MORC3: variants seen among roughly 807,000 people sequenced by gnomAD.
MORC3 encodes the protein MORC family CW-type zinc finger protein 3.
A neutral mutation model predicts 109.1 loss-of-function variants in MORC3; 31 were observed. The observed-to-expected ratio is 0.28, with a 90% CI of 0.21 to 0.38. The LOEUF (loss-of-function observed/expected upper bound fraction) is 0.38, where lower values mean the gene tolerates loss of function less well. MORC3 is among the 10% of genes least tolerant of loss of function. The probability of loss-of-function intolerance (pLI) is 1.00; values close to 1 mark genes in which losing one functional copy is unlikely to be tolerated. For synonymous variants in MORC3, 395 were observed against 380.7 expected (o/e 1.04, Z -0.44); for missense variants, 867 against 1,135.8 (o/e 0.76, Z 3.40).
chr21:36,340,300 G>T (rs1291992409), intron 5 of MORC3, among the ~76,000 whole-genome samples: 1 of 149,082 alleles, frequency 6.7e-6, no homozygotes, highest in Non-Finnish European at 1.5e-5. Context: ...AAAAACTATA[G>T]TACAGTAGTA....
At position 36,344,943 on chromosome 21, in the gene MORC3, A is replaced by G; in HGVS notation, c.917A>G (p.Asn306Ser). ...SKTVRITFGF[N>S]CRNKDHYGIM... ...ACAGTGAGAATTACCTTTGGATTCA[A>G]CTGCAGAAATAAAGATCATTATGGG... The change falls in exon 8 of 17, where the codon AAC (asparagine) becomes AGC (serine). Residue 306 changes from asparagine (N) to serine (S), a missense_variant. Physicochemically the swap from Asn to Ser is conservative, Grantham distance 46 (BLOSUM62 1). Coordinates refer to ENST00000400485, the MANE Select transcript of MORC3 (RefSeq NM_015358.3). 2 of 1,612,048 alleles carry G rather than the reference A, an allele frequency of 1.2e-6. No homozygotes were observed. Among genetic ancestry groups the G allele is most frequent in the Non-Finnish European group, 1.7e-6 (2 of 1,179,234 alleles).
At chr21:36,323,253 C>T (rs1008781589) in intron 1 of MORC3, among the ~76,000 whole-genome samples, 2 of 152,164 alleles carry the variant, frequency 1.3e-5, no homozygotes, top group Non-Finnish European at 2.9e-5. Context: ...AGCTTAGTGA[C>T]TGCCATTCTG....
chr21:36,356,778 A>G, intron 10 of MORC3, 54 bp downstream of exon 10: 3 of 1,153,920 alleles, frequency 2.6e-6, no homozygotes, highest in South Asian at 2.9e-5. Context: ...ATGTGGTATT[A>G]GAGAGTAAAG....
chr21:36,338,570 G>A (rs756996966), intron 4 of MORC3, among the ~76,000 whole-genome samples: 1 of 151,514 alleles, frequency 6.6e-6, no homozygotes, highest in Non-Finnish European at 1.5e-5. Context: ...GGTGCCTGTG[G>A]TCGGTCCCAG....
intron 1 of MORC3, among the ~76,000 whole-genome samples, chr21:36,327,085 G>A (rs1447778485): frequency 6.6e-6 from 1 of 151,424 alleles, no homozygotes; most frequent in Non-Finnish European, 1.5e-5. Context: ...AAAGTGCGGG[G>A]GTTACAGCAG....
chr21:36,327,988 T>C (rs940975456), intron 1 of MORC3, among the ~76,000 whole-genome samples: 4 of 151,808 alleles, frequency 2.6e-5, no homozygotes, highest in African/African-American at 9.7e-5. Context: ...GTGATTGCCA[T>C]GCCTCAGCCA....
intron 6 of MORC3, among the ~76,000 whole-genome samples, chr21:36,344,148 G>C (rs963718411): frequency 6.7e-6 from 1 of 149,984 alleles, no homozygotes; most frequent in African/African-American, 2.5e-5. Context: ...TTTTTGAGGT[G>C]GGGGGGTCTC....
intron 5 of MORC3, among the ~76,000 whole-genome samples, chr21:36,339,829 G>A (rs1312224266): frequency 6.6e-6 from 1 of 152,140 alleles, no homozygotes; most frequent in Non-Finnish European, 1.5e-5. Context: ...ACCTGAATTC[G>A]TTTTTCTTGC....
At chr21:36,356,809 A>G in intron 10 of MORC3, 85 bp downstream of exon 10, 2 of 791,610 alleles carry the variant, frequency 2.5e-6, no homozygotes, top group Non-Finnish European at 3.9e-6. Context: ...ATGTTTCACA[A>G]ACTTAGGACT....
intron 16 of MORC3, among the ~76,000 whole-genome samples, 173 bp from the exon 17 acceptor site, chr21:36,374,967 ACTC>A (rs1282535182): frequency 1.3e-5 from 2 of 152,132 alleles, no homozygotes; most frequent in Non-Finnish European, 2.9e-5. Flanking sequence ...AGTGCACCTG[ACTC>A]ATAAAAGTGA....
chr21:36,351,808 A>G (rs1238694756), intron 9 of MORC3, among the ~76,000 whole-genome samples: 1 of 152,214 alleles, frequency 6.6e-6, no homozygotes, highest in African/African-American at 2.4e-5. Context: ...TAGAATTACC[A>G]TATGATTGAA....
At position 36,343,694 on chromosome 21, in the gene MORC3, G is replaced by A. The variant is rs925653756; in HGVS notation, c.757-885G>A. 2.0e-5 allele frequency among the ~76,000 whole-genome samples: 3 copies of A among 151,814 alleles called. No individual in the cohort carries two copies. The South Asian group carries it at 6.2e-4, about 31-fold the overall frequency. On this transcript the variant is annotated intron_variant, in intron 6 of 16. Coordinates refer to ENST00000400485, the MANE Select transcript of MORC3 (RefSeq NM_015358.3). Reference sequence around the variant, plus strand: ...GAACTCCTGACCTCGTGATCCGCCCGCCTCGGCCTCCCAAAGTGCTGGGAT... The same window carrying A: ...GAACTCCTGACCTCGTGATCCGCCCACCTCGGCCTCCCAAAGTGCTGGGAT...
At chr21:36,373,949 T>A (rs1050064836) in intron 16 of MORC3, among the ~76,000 whole-genome samples, 1 of 152,182 alleles carries the variant, frequency 6.6e-6, no homozygotes, top group African/African-American at 2.4e-5. Flanking sequence ...TTTTAAAAAG[T>A]CTAGAATGTT....
intron 9 of MORC3, among the ~76,000 whole-genome samples, chr21:36,350,916 T>C (rs986853261): frequency 1.3e-5 from 2 of 152,198 alleles, no homozygotes; most frequent in African/African-American, 2.4e-5. Context: ...GCATACAACA[T>C]GTAATGATCA....
At chr21:36,323,411 T>G (rs566521718) in intron 1 of MORC3, among the ~76,000 whole-genome samples, 1 of 152,164 alleles carries the variant, frequency 6.6e-6, no homozygotes, top group African/African-American at 2.4e-5. Context: ...AAAAATTACA[T>G]GAGCAGATAG....
At chr21:36,372,578 A>G (rs1043765344) in intron 16 of MORC3, 47 bp downstream of exon 16, 2 of 1,510,212 alleles carry the variant, frequency 1.3e-6, no homozygotes, top group Non-Finnish European at 1.8e-6. Flanking sequence ...TATGGTTAGG[A>G]TACTATTTAT....
In MORC3 at chr21:36,376,092, G is replaced by A. The variant is rs2085926457; in HGVS notation, c.*796G>A. On this transcript the variant is annotated 3_prime_UTR_variant, in exon 17 of 17. Coordinates refer to ENST00000400485, the MANE Select transcript of MORC3 (RefSeq NM_015358.3). ...TGTGAAATTTCCTGTACAGCCTTTT[G>A]TAGGATTACTACAGGTTAATGTGAG... 6.6e-6 allele frequency: 1 copy of A among 152,400 alleles called. No individual in the cohort carries two copies. The highest frequency in any genetic ancestry group is 1.5e-5 in the Non-Finnish European group (1 of 68,022). 9.4% of individuals were successfully genotyped at this position (152,400 alleles called of 1,614,324 possible).
chr21:36,375,243 G>C lies in MORC3; in HGVS notation c.2767G>C (p.Asp923His). 1 of 1,613,828 alleles carries C rather than the reference G, an allele frequency of 6.2e-7. No individual in the cohort carries two copies. The highest frequency in any genetic ancestry group is 8.5e-7 in the Non-Finnish European group (1 of 1,179,790). Residue 923 changes from aspartate (D) to histidine (H), a missense_variant, in exon 17 of 17, where the codon GAT becomes CAT. Asp to His is a moderately conservative substitution (Grantham distance 81, BLOSUM62 -1). Transcript: ENST00000400485. ...QQVNYDVDVV[D>H]EILGQVVEQM... ...AGTGAATTACGATGTTGATGTAGTT[G>C]ATGAGATTTTAGGACAAGTTGTTGA... is the stretch of plus-strand genomic sequence containing the variant.
intron 1 of MORC3, among the ~76,000 whole-genome samples, chr21:36,332,544 G>GT (rs1254974854): frequency 6.6e-6 from 1 of 152,200 alleles, no homozygotes; most frequent in East Asian, 1.9e-4. Flanking sequence ...TACAGAAATA[G>GT]TTTAATTGGT....
Sources: gnomAD v4.1 joint callset for allele counts (sites outside exome capture counted in the v4.1 genomes callset) on GRCh38, gnomAD v4.1.1 for gene constraint, MANE v1.5 for transcripts, NCBI Gene and HGNC (gene_info 2026-07-23, HGNC 2026-07-21) for gene names.